SNTG2: variants seen among roughly 807,000 people sequenced by gnomAD.
SNTG2 encodes the protein gamma-2-syntrophin.
SNTG2 carries 74 observed loss-of-function variants against 70.9 expected under a neutral mutation model. The ratio of observed to expected loss-of-function variants is 1.04; its 90% confidence interval spans 0.86 to 1.27. The LOEUF (loss-of-function observed/expected upper bound fraction) is 1.27, where lower values mean the gene tolerates loss of function less well. SNTG2 is among the 50% of genes most tolerant of loss of function. SNTG2 has a pLI of 0.00. For missense variants in SNTG2, 717 were observed against 690.7 expected, an observed-to-expected ratio of 1.04 and a Z score of -0.43; for synonymous variants, 278 against 273.8, an observed-to-expected ratio of 1.02 and a Z score of -0.15.
At chr2:1,310,256 C>T (rs1680914874) in intron 15 of SNTG2, among the ~76,000 whole-genome samples, 1 of 152,110 alleles carries the variant, frequency 6.6e-6, no homozygotes, top group African/African-American at 2.4e-5. Context: ...GAAACGCTGG[C>T]CCACCGGCCC....
At chr2:1,034,758 C>T (rs1335127379) in intron 1 of SNTG2, among the ~76,000 whole-genome samples, 1 of 152,030 alleles carries the variant, frequency 6.6e-6, no homozygotes, top group Non-Finnish European at 1.5e-5. Context: ...AGTTAGATTC[C>T]CGCACAATAA....
intron 14 of SNTG2, among the ~76,000 whole-genome samples, chr2:1,276,993 G>C (rs1679294475): frequency 6.6e-6 from 1 of 152,204 alleles, no homozygotes; most frequent in East Asian, 1.9e-4. Flanking sequence ...GAAGATGATT[G>C]AATTGCTGCA....
intron 16 of SNTG2, among the ~76,000 whole-genome samples, chr2:1,322,384 C>T (rs986105795): frequency 1.3e-5 from 2 of 152,118 alleles, no homozygotes; most frequent in African/African-American, 4.8e-5. Context: ...AAATCCACAT[C>T]CCCAGAAACC....
chr2:1,190,495 C>CTATATA (rs72001718), intron 8 of SNTG2, among the ~76,000 whole-genome samples: 59 of 90,780 alleles, frequency 6.5e-4, no homozygotes, highest in South Asian at 7.7e-4. Context: ...GGAGGGCTGA[C>CTATATA]TATATATATA....
At chr2:1,321,779 C>T (rs570846848) in intron 16 of SNTG2, among the ~76,000 whole-genome samples, 1 of 151,814 alleles carries the variant, frequency 6.6e-6, no homozygotes, top group South Asian at 2.1e-4. Context: ...ACATGTGAAG[C>T]ACAACGCCCC....
At chr2:999,277 AC>A (rs1661789773) in intron 1 of SNTG2, among the ~76,000 whole-genome samples, 1 of 152,094 alleles carries the variant, frequency 6.6e-6, no homozygotes, top group Admixed American at 6.5e-5. Context: ...CAGGAACAAC[AC>A]CTCACATATC....
rs112608538 is a variant in SNTG2 at position 973,540 on chromosome 2, AT to A, written c.72+22481del. ...TGTGTATATACATGTATATATATAT[AT>A]TTTTTTTTACTTGGATATAGTTGTT... On this transcript the variant is annotated intron_variant, in intron 1 of 16. Coordinates refer to ENST00000308624, the MANE Select transcript of SNTG2 (RefSeq NM_018968.4). Among the ~76,000 whole-genome samples, 886 of 133,848 alleles carry A rather than the reference AT, an allele frequency of 6.6e-3. 15 individuals are homozygous for A. The highest frequency in any genetic ancestry group is 0.024 in the African/African-American group (834 of 34,768). The allele number at this position is 133,848 out of a possible 152,430, so 87.8% of individuals were successfully genotyped here. A position where few individuals can be genotyped will look rare whatever the true frequency, so the allele number is the denominator to read the frequency against.
chr2:1,188,588 TAA>T (rs1672388605), intron 8 of SNTG2, among the ~76,000 whole-genome samples: 1 of 152,184 alleles, frequency 6.6e-6, no homozygotes, highest in Admixed American at 6.5e-5. Context: ...AAACACATGT[TAA>T]GACAAAGTGC....
intron 4 of SNTG2, among the ~76,000 whole-genome samples, chr2:1,116,274 T>C (rs1007673217): frequency 3.3e-5 from 5 of 152,210 alleles, no homozygotes; most frequent in Non-Finnish European, 5.9e-5. Flanking sequence ...TGTTTTTCTC[T>C]TATTCACTAG....
chr2:1,087,280 G>T (rs149216013), intron 2 of SNTG2, among the ~76,000 whole-genome samples: 187 of 152,256 alleles, frequency 1.2e-3, no homozygotes, highest in African/African-American at 4.3e-3. Context: ...GAGTTTGGAG[G>T]GCTTTCCTCT....
At chr2:1,239,616 T>C in intron 10 of SNTG2, 122 bp from the exon 11 acceptor site, 1 of 980,688 alleles carries the variant, frequency 1.0e-6, no homozygotes, top group African/African-American at 1.6e-5. Flanking sequence ...AGATAGGAAA[T>C]ATGTCATTAA....
At chr2:1,055,203 CAG>C (rs1444023459) in intron 1 of SNTG2, among the ~76,000 whole-genome samples, 7 of 152,218 alleles carry the variant, frequency 4.6e-5, no homozygotes, top group African/African-American at 1.7e-4. Context: ...GGCAGCGAAA[CAG>C]GGGCTGTGTG....
intron 16 of SNTG2, among the ~76,000 whole-genome samples, chr2:1,317,728 A>T (rs1681352959): frequency 7.1e-6 from 1 of 141,352 alleles, no homozygotes; most frequent in Non-Finnish European, 1.6e-5. Flanking sequence ...GCATTGGAGA[A>T]GGTTGGGATT....
intron 1 of SNTG2, among the ~76,000 whole-genome samples, chr2:985,398 C>A (rs933429256): frequency 6.6e-6 from 1 of 151,818 alleles, no homozygotes; most frequent in African/African-American, 2.4e-5. Flanking sequence ...TTTGTGTGAG[C>A]TCAGGGATGT....
intron 1 of SNTG2, among the ~76,000 whole-genome samples, chr2:1,031,528 A>ATATATATATATATATATTTTTTTTTTTT: frequency 3.4e-5 from 2 of 59,120 alleles, no homozygotes; most frequent in Non-Finnish European, 6.3e-5. Flanking sequence ...ATATATATAT[A>ATATATATATATATATATTTTTTTTTTTT]TTTTTTTTTT....
chr2:1,308,684 A>G (rs13418089), intron 15 of SNTG2, 98 bp downstream of exon 15: 25 of 995,116 alleles, frequency 2.5e-5, no homozygotes, highest in Middle Eastern at 4.1e-4. Context: ...GAAGCCACCA[A>G]CCTTGCTGGA....
chr2:1,113,804 CTAAG>C lies in SNTG2; in HGVS notation c.325+15396_325+15399del, dbSNP rs1201092359. On this transcript the variant is annotated intron_variant, in intron 4 of 16. Transcript: ENST00000308624. ...AGTCCTGTGAGGAGAATCGTGTGTA[CTAAG>C]TGAGGTTTAACCCTTACAGTCCTTT... Among the ~76,000 whole-genome samples the C allele has an allele frequency of 6.7e-4, 102 of 151,438 alleles. 1 individual carries two copies. Among genetic ancestry groups the C allele is most frequent in the Non-Finnish European group, 3.1e-4 (21 of 67,934 alleles).
chr2:1,274,592 C>T (rs1373921153), intron 14 of SNTG2, among the ~76,000 whole-genome samples: 1 of 152,160 alleles, frequency 6.6e-6, no homozygotes, highest in Non-Finnish European at 1.5e-5. Flanking sequence ...CAGGATGATT[C>T]TGCCCTGGAT....
intron 6 of SNTG2, among the ~76,000 whole-genome samples, chr2:1,152,738 A>G (rs1156830986): frequency 6.6e-6 from 1 of 152,208 alleles, no homozygotes; most frequent in Non-Finnish European, 1.5e-5. Context: ...GAGAAATCTC[A>G]CGTTTTGATC....
Sources: allele counts gnomAD v4.1 joint callset (sites outside exome capture counted in the v4.1 genomes callset), GRCh38; gene constraint gnomAD v4.1.1; transcripts MANE v1.5; gene names NCBI Gene and HGNC (gene_info 2026-07-23, HGNC 2026-07-21).